The following CACNA2D3 variants were observed in gnomAD, a reference collection of about 807,000 sequenced individuals.
CACNA2D3 encodes the protein calcium voltage-gated channel auxiliary subunit alpha2delta 3.
A neutral mutation model predicts 160.6 loss-of-function variants in CACNA2D3; 60 were observed. The ratio of observed to expected loss-of-function variants is 0.37; its 90% CI spans 0.30 to 0.46. CACNA2D3 has a LOEUF of 0.46. CACNA2D3 is among the 20% of genes least tolerant of loss of function. CACNA2D3 has a pLI of 1.00. For synonymous variants in CACNA2D3, 558 were observed against 492.9 expected, an observed-to-expected ratio of 1.13 and a Z score of -1.75; for missense variants, 1,205 against 1,365.0, an observed-to-expected ratio of 0.88 and a Z score of 1.85.
chr3:54,159,734 A>G (rs1337653333), intron 2 of CACNA2D3, among the ~76,000 whole-genome samples: 1 of 152,206 alleles, frequency 6.6e-6, no homozygotes, highest in African/African-American at 2.4e-5. Flanking sequence ...AATTTGACCA[A>G]TAGAATTTCC....
At chr3:55,036,582 T>C (rs1249047766) in intron 35 of CACNA2D3, among the ~76,000 whole-genome samples, 1 of 151,854 alleles carries the variant, frequency 6.6e-6, no homozygotes, top group Non-Finnish European at 1.5e-5. Context: ...ATTCTCCTGC[T>C]TCAGCCTCCC....
intron 3 of CACNA2D3, among the ~76,000 whole-genome samples, chr3:54,322,692 C>T (rs9874563): frequency 0.18 from 27,666 of 152,110 alleles, 3,037 homozygotes; most frequent in Middle Eastern, 0.28. Flanking sequence ...AATCTGTGAA[C>T]ATCTGATAGG....
chr3:54,741,763 C>A (rs2107043824), intron 11 of CACNA2D3, among the ~76,000 whole-genome samples: 1 of 152,302 alleles, frequency 6.6e-6, no homozygotes, highest in South Asian at 2.1e-4. Flanking sequence ...AATTACCATA[C>A]TTTACAATAA....
chr3:54,767,954 G>A (rs1702253103), intron 13 of CACNA2D3, among the ~76,000 whole-genome samples: 1 of 152,158 alleles, frequency 6.6e-6, no homozygotes, highest in South Asian at 2.1e-4. Flanking sequence ...AAGTCAGTGG[G>A]TGAGAAGAGT....
intron 11 of CACNA2D3, among the ~76,000 whole-genome samples, chr3:54,644,065 C>T (rs918594827): frequency 7.9e-5 from 12 of 152,116 alleles, no homozygotes; most frequent in Admixed American, 6.5e-4. Flanking sequence ...TGGTGACATT[C>T]AATGAATAGC....
chr3:54,141,466 A>G (rs995156570), intron 2 of CACNA2D3, among the ~76,000 whole-genome samples: 1 of 152,172 alleles, frequency 6.6e-6, no homozygotes, highest in Non-Finnish European at 1.5e-5. Flanking sequence ...TTTACTGCTC[A>G]TCTGCTTTCT....
At chr3:55,059,191 A>G (rs373645446) in intron 35 of CACNA2D3, among the ~76,000 whole-genome samples, 66 of 152,150 alleles carry the variant, frequency 4.3e-4, no homozygotes, top group African/African-American at 1.2e-3. Flanking sequence ...AGGCTATTCT[A>G]TTTTGCTAAA....
chr3:54,644,375 C>G (rs1699590594), intron 11 of CACNA2D3, among the ~76,000 whole-genome samples: 1 of 152,126 alleles, frequency 6.6e-6, no homozygotes, highest in African/African-American at 2.4e-5. Context: ...GTCTTTCTTT[C>G]CCTCTGCCCT....
intron 35 of CACNA2D3, among the ~76,000 whole-genome samples, chr3:55,020,737 A>C (rs358032): frequency 2.0e-5 from 3 of 151,428 alleles, no homozygotes; most frequent in Non-Finnish European, 2.9e-5. Context: ...TGTAATCCCA[A>C]CTACTCGGGA....
chr3:54,626,684 C>T, intron 9 of CACNA2D3: 20 of 318,226 alleles, frequency 6.3e-5, no homozygotes, highest in East Asian at 1.1e-4. Context: ...TGGTTCCAGT[C>T]AAAAAAAAAA....
intron 2 of CACNA2D3, among the ~76,000 whole-genome samples, chr3:54,221,059 C>T (rs150908783): frequency 1.4e-4 from 22 of 152,280 alleles, no homozygotes; most frequent in African/African-American, 5.3e-4. Flanking sequence ...ATCCTGTCTC[C>T]TCCATGCCAG....
intron 8 of CACNA2D3, 49 bp from the exon 9 acceptor site, chr3:54,581,754 C>T: frequency 1.4e-6 from 2 of 1,439,774 alleles, no homozygotes; most frequent in South Asian, 2.4e-5. Flanking sequence ...TAAGAAGTAC[C>T]CTTCAATTCC....
chr3:54,722,318 T>A (rs1326278877), intron 11 of CACNA2D3, among the ~76,000 whole-genome samples: 2 of 152,316 alleles, frequency 1.3e-5, no homozygotes, highest in East Asian at 3.9e-4. Flanking sequence ...CTAACCTTTT[T>A]TCAAGGTTCT....
At chr3:54,879,673 C>T (rs912229953) in intron 20 of CACNA2D3, among the ~76,000 whole-genome samples, 10 of 152,184 alleles carry the variant, frequency 6.6e-5, no homozygotes, top group East Asian at 1.9e-4. Context: ...TGGGGGTTCC[C>T]GCTAAGGGTG....
At chr3:54,634,378 C>A (rs1699314626) in intron 10 of CACNA2D3, 1 of 152,244 alleles carries the variant, frequency 6.6e-6, no homozygotes, top group Non-Finnish European at 1.5e-5. Flanking sequence ...TGCCCCCTCC[C>A]ATTTCTTATC....
intron 2 of CACNA2D3, among the ~76,000 whole-genome samples, chr3:54,297,456 G>C (rs985767125): frequency 7.1e-6 from 1 of 140,962 alleles, no homozygotes; most frequent in Admixed American, 7.0e-5. Flanking sequence ...GTTAGGAAAA[G>C]CGAGTCGGCA....
rs1699732747 is a variant in CACNA2D3, at chr3:54,132,515, T to C, written c.204+8921T>C. 2.0e-5 allele frequency among the ~76,000 whole-genome samples: 3 copies of C among 152,212 alleles called. No homozygotes were observed. The South Asian group carries it at 6.2e-4, about 32-fold the overall frequency. On this transcript the variant is annotated intron_variant, in intron 2 of 37. Transcript: ENST00000474759. ...AGATGTAATCCTCTCAGGAGAGGGC[T>C]CACAGCTCACTAATCTTTTGAAAAA...
At chr3:54,327,516 C>G (rs778870960) in intron 3 of CACNA2D3, among the ~76,000 whole-genome samples, 3 of 152,156 alleles carry the variant, frequency 2.0e-5, no homozygotes, top group Non-Finnish European at 4.4e-5. Flanking sequence ...TATCTCTTTC[C>G]CAAATAATTG....
intron 27 of CACNA2D3, among the ~76,000 whole-genome samples, chr3:54,949,246 T>C (rs1701695122): frequency 6.6e-6 from 1 of 152,032 alleles, no homozygotes; most frequent in East Asian, 1.9e-4. Context: ...GCCTAGCAGG[T>C]GGAGGGTGAA....
Sources: allele counts gnomAD v4.1 joint callset (sites outside exome capture counted in the v4.1 genomes callset), GRCh38; gene constraint gnomAD v4.1.1; transcripts MANE v1.5; gene names NCBI Gene and HGNC (gene_info 2026-07-23, HGNC 2026-07-21).